Variants in R3HDM1 observed in about 807,000 individuals in gnomAD.
The protein encoded by R3HDM1 is R3H domain-containing protein 1.
In R3HDM1, 46 loss-of-function variants were observed where a neutral mutation model predicts 141.1. That is an observed-to-expected ratio of 0.33 (90% CI 0.26 to 0.42). The LOEUF (loss-of-function observed/expected upper bound fraction) is 0.42. Among genes scored for constraint, R3HDM1 ranks in the 10% least tolerant of loss-of-function variants. The probability of loss-of-function intolerance (pLI) is 1.00; values close to 1 mark genes in which losing one functional copy is unlikely to be tolerated. For missense variants in R3HDM1, 1,184 were observed against 1,368.3 expected (o/e 0.87, Z 2.12); for synonymous variants, 435 against 472.9 (o/e 0.92, Z 1.04).
Position 135,722,461 on chromosome 2 carries a change from G to A in R3HDM1, c.2965-8G>A, listed in dbSNP as rs2076787883. ...AACGTTGTTTCTCAACTATTTGTGG[G>A]TTTTCAGGGTCAGCCTGGCAGCAGG... On this transcript the variant is annotated splice_polypyrimidine_tract_variant and splice_region_variant and intron_variant, in intron 25 of 26. Coordinates refer to ENST00000683871, the MANE Select transcript of R3HDM1 (RefSeq NM_001378107.1). The A allele has an allele frequency of 6.2e-7, 1 of 1,613,474 alleles. No individual in the cohort carries two copies. Among genetic ancestry groups the A allele is most frequent in the South Asian group, 1.1e-5 (1 of 90,910 alleles).
intron 2 of R3HDM1, 55 bp from the exon 3 acceptor site, chr2:135,604,751 A>C: frequency 7.8e-7 from 1 of 1,289,956 alleles, no homozygotes; most frequent in South Asian, 1.2e-5. Flanking sequence ...GGTCAGTATC[A>C]TGCAGTAACT....
At chr2:135,550,127 A>G (rs1699559039) in intron 1 of R3HDM1, 1 of 983,624 alleles carries the variant, frequency 1.0e-6, no homozygotes, top group African/African-American at 1.7e-5. Context: ...TACAAATGAA[A>G]TATTTTGGTT....
intron 1 of R3HDM1, among the ~76,000 whole-genome samples, chr2:135,599,766 C>G (rs1433120531): frequency 1.3e-5 from 2 of 152,158 alleles, no homozygotes; most frequent in Non-Finnish European, 2.9e-5. Flanking sequence ...GGCAAAGTGG[C>G]TCACACCTGT....
Position 135,724,557 on chromosome 2 carries a change from A to G in R3HDM1, c.*265A>G, listed in dbSNP as rs1335107289. On this transcript the variant is annotated 3_prime_UTR_variant, in exon 27 of 27. Transcript: ENST00000683871. ...CATTCAAATGCCTCCTAACTTTTAT[A>G]GTTATTTTGTTTTATATTTCTAAAT... The G allele has an allele frequency of 2.9e-6, 1 of 341,064 alleles. No homozygotes were observed. Among genetic ancestry groups the G allele is most frequent in the Non-Finnish European group, 5.3e-6 (1 of 189,896 alleles). The allele number at this position is 341,064 out of a possible 1,614,324, so 21.1% of individuals were successfully genotyped here.
intron 18 of R3HDM1, among the ~76,000 whole-genome samples, chr2:135,652,315 G>A (rs1207479569): frequency 6.6e-6 from 1 of 152,150 alleles, no homozygotes; most frequent in East Asian, 1.9e-4. Context: ...ACACAATAAA[G>A]TGTAAATCCA....
rs575410894 is a variant in R3HDM1 at position 135,643,117 on chromosome 2, A to G, written c.1474+1327A>G. On this transcript the variant is annotated intron_variant, in intron 15 of 26. Transcript: ENST00000683871. ...TTGTACTATTAATTTAAATGAATCA[A>G]AAAGTGATCTCTGGTTTTTGACAAC... Among the ~76,000 whole-genome samples, 14 of 152,310 alleles carry G rather than the reference A, an allele frequency of 9.2e-5. No homozygotes were observed. The South Asian group carries it at 2.1e-3, about 23-fold the overall frequency.
intron 21 of R3HDM1, among the ~76,000 whole-genome samples, chr2:135,699,024 TAGATAGATAGATAGATAGATA>T (rs2073760213): frequency 5.1e-5 from 5 of 97,608 alleles, no homozygotes; most frequent in Admixed American, 2.1e-4. Context: ...GATAGATAGA[TAGATAGATAGATAGATAGATA>T]AGATAGATAA....
chr2:135,723,806 G>C (rs1264424754), intron 26 of R3HDM1, 131 bp from the exon 27 acceptor site: 1 of 186,534 alleles, frequency 5.4e-6, no homozygotes, highest in Non-Finnish European at 1.0e-5. Flanking sequence ...AAAAAAAAAA[G>C]ATGGCCCTAA....
intron 20 of R3HDM1, among the ~76,000 whole-genome samples, chr2:135,679,854 C>A (rs911072903): frequency 6.6e-6 from 1 of 152,112 alleles, no homozygotes; most frequent in African/African-American, 2.4e-5. Flanking sequence ...CCAAGGTGGG[C>A]GGATCACTTG....
intron 5 of R3HDM1, chr2:135,620,563 A>T: frequency 1.0e-6 from 1 of 983,028 alleles, no homozygotes; most frequent in Non-Finnish European, 1.2e-6. Context: ...AGATGAAAAT[A>T]GCAGGTAGCA....
intron 9 of R3HDM1, chr2:135,633,971 C>T (rs2062988616): frequency 1.3e-5 from 2 of 152,048 alleles, no homozygotes; most frequent in Non-Finnish European, 2.9e-5. Flanking sequence ...ATATAAACTC[C>T]ATGAATAAGA....
intron 19 of R3HDM1, chr2:135,669,657 C>T (rs1271320044): frequency 2.5e-6 from 2 of 814,830 alleles, no homozygotes; most frequent in Non-Finnish European, 3.0e-6. Context: ...CTCAGCTACA[C>T]ATTTGATAGC....
At chr2:135,601,701 TG>T (rs1158818082) in intron 1 of R3HDM1, among the ~76,000 whole-genome samples, 2 of 152,352 alleles carry the variant, frequency 1.3e-5, no homozygotes. Flanking sequence ...GTTTTGTTTT[TG>T]CTCTGCCATC....
At chr2:135,558,520 T>C (rs1036950462) in intron 1 of R3HDM1, among the ~76,000 whole-genome samples, 2 of 152,224 alleles carry the variant, frequency 1.3e-5, no homozygotes, top group Admixed American at 6.5e-5. Context: ...ATTAATTGAC[T>C]TAATCCATGT....
chr2:135,690,977 C>T (rs1022009274), intron 21 of R3HDM1, among the ~76,000 whole-genome samples: 1 of 152,046 alleles, frequency 6.6e-6, no homozygotes, highest in African/African-American at 2.4e-5. Context: ...TTGATCACAC[C>T]GAGTATTTGT....
Position 135,645,360 on chromosome 2 carries a change from C to A in R3HDM1, c.1475-19C>A. 6.4e-7 allele frequency: 1 copy of A among 1,562,860 alleles called. No homozygotes were observed. The highest frequency in any genetic ancestry group is 8.7e-7 in the Non-Finnish European group (1 of 1,147,410). Reference sequence around the variant, plus strand: ...CCTGTATTCTAAGTTATTTTTTTCCCTCTTTTTGAATTTTTCAGGTCAGCC... The same window carrying A: ...CCTGTATTCTAAGTTATTTTTTTCCATCTTTTTGAATTTTTCAGGTCAGCC... On this transcript the variant is annotated intron_variant, in intron 15 of 26. Coordinates refer to ENST00000683871, the MANE Select transcript of R3HDM1 (RefSeq NM_001378107.1).
At chr2:135,634,498 G>A (rs2063061700) in intron 9 of R3HDM1, among the ~76,000 whole-genome samples, 1 of 152,056 alleles carries the variant, frequency 6.6e-6, no homozygotes, top group African/African-American at 2.4e-5. Context: ...AAAAAAATTA[G>A]CTGGGCATGG....
At chr2:135,577,223 G>A in intron 1 of R3HDM1, 1 of 981,952 alleles carries the variant, frequency 1.0e-6, no homozygotes, top group Non-Finnish European at 1.2e-6. Context: ...ATAAAAATAA[G>A]AAAATTTTAC....
At chr2:135,715,419 G>C (rs1017247076) in intron 23 of R3HDM1, 131 bp from the exon 24 acceptor site, 1 of 978,740 alleles carries the variant, frequency 1.0e-6, no homozygotes, top group Non-Finnish European at 1.4e-6. Flanking sequence ...GTTTATTTTG[G>C]GGAGTTGCAG....
Sources: allele counts gnomAD v4.1 joint callset (sites outside exome capture counted in the v4.1 genomes callset), GRCh38; gene constraint gnomAD v4.1.1; transcripts MANE v1.5; gene names NCBI Gene and HGNC (gene_info 2026-07-23, HGNC 2026-07-21).